Variants in USP9X observed in about 807,000 individuals in gnomAD.
The protein encoded by USP9X is ubiquitin specific peptidase 9 X-linked.
A neutral mutation model predicts 190.3 loss-of-function variants in USP9X; 7 were observed. The observed-to-expected ratio is 0.04, with a 90% CI of 0.02 to 0.07. The LOEUF (loss-of-function observed/expected upper bound fraction) is 0.07. Ranked by LOEUF, USP9X falls within the 10% of genes least tolerant of loss-of-function variation. The pLI, the probability that USP9X is intolerant of heterozygous loss-of-function variation, is 1.00. For synonymous variants in USP9X, 645 were observed against 659.5 expected (o/e 0.98, Z 0.34); for missense variants, 1,010 against 1,916.9 (o/e 0.53, Z 8.83).
chrX:41,223,604 A>T (rs750426895), intron 39 of USP9X, among the ~76,000 whole-genome samples: 1 of 110,608 alleles, frequency 9.0e-6, no homozygotes, highest in South Asian at 3.8e-4. Context: ...CGCCCGGCTA[A>T]TTTTGTATTT....
At chrX:41,168,631 T>C (rs1202076873) in intron 18 of USP9X, among the ~76,000 whole-genome samples, 1 of 112,286 alleles carries the variant, frequency 8.9e-6, no homozygotes, top group Non-Finnish European at 1.9e-5. Context: ...TAGCTGGGGC[T>C]ACAGGCACAG....
chrX:41,170,397 A>G, intron 19 of USP9X, 73 bp from the exon 20 acceptor site: 4 of 1,140,300 alleles, frequency 3.5e-6, no homozygotes, highest in Admixed American at 4.8e-5. Context: ...TTTGGTTGGT[A>G]TATCACTAAG....
chrX:41,100,205 T>G (rs1271284808), intron 1 of USP9X, among the ~76,000 whole-genome samples: 3 of 112,616 alleles, frequency 2.7e-5, no homozygotes, highest in African/African-American at 9.7e-5. Context: ...CTTTGTAAAC[T>G]TCTCACAGGT....
intron 1 of USP9X, among the ~76,000 whole-genome samples, chrX:41,113,807 C>T (rs775099600): frequency 3.8e-4 from 42 of 111,037 alleles, no homozygotes; most frequent in South Asian, 7.5e-4. Context: ...GTCATGAACG[C>T]GTAAAATACA....
intron 1 of USP9X, among the ~76,000 whole-genome samples, chrX:41,120,346 A>G (rs1265566997): frequency 1.8e-5 from 2 of 112,342 alleles, no homozygotes; most frequent in African/African-American, 6.5e-5. Flanking sequence ...TTACGGTGCT[A>G]CAAACAGTGC....
chrX:41,224,664 T>C, intron 39 of USP9X, 78 bp from the exon 40 acceptor site: 1 of 907,224 alleles, frequency 1.1e-6, no homozygotes, highest in Non-Finnish European at 1.5e-6. Context: ...TTATAGGCTA[T>C]TTTCTATCGT....
At chrX:41,145,872 G>A (rs2062459713) in intron 11 of USP9X, among the ~76,000 whole-genome samples, 1 of 111,984 alleles carries the variant, frequency 8.9e-6, no homozygotes, top group South Asian at 3.7e-4. Context: ...ATAAGTCTTA[G>A]GGACATTAAA....
At chrX:41,106,778 GTC>G (rs1396645819) in intron 1 of USP9X, among the ~76,000 whole-genome samples, 1 of 109,480 alleles carries the variant, frequency 9.1e-6, no homozygotes, top group African/African-American at 3.3e-5. Context: ...TGATCCACCA[GTC>G]TCGGCCTCCC....
intron 24 of USP9X, among the ~76,000 whole-genome samples, 188 bp downstream of exon 24, chrX:41,186,830 ATTTT>A (rs34817628): frequency 3.0e-5 from 3 of 101,138 alleles, no homozygotes; most frequent in Non-Finnish European, 4.0e-5. Flanking sequence ...AGATGGGGTG[ATTTT>A]TTTTTTTTTT....
At chrX:41,088,751 C>T (rs1333825364) in intron 1 of USP9X, among the ~76,000 whole-genome samples, 1 of 108,966 alleles carries the variant, frequency 9.2e-6, no homozygotes, top group Non-Finnish European at 1.9e-5. Flanking sequence ...TTTTCTGAGT[C>T]TTGAATTGTT....
At chrX:41,208,021 CAG>C (rs982271760) in intron 32 of USP9X, among the ~76,000 whole-genome samples, 4 of 109,649 alleles carry the variant, frequency 3.6e-5, no homozygotes, top group African/African-American at 1.3e-4. Flanking sequence ...AGAACACAAA[CAG>C]AGGCTTATAC....
intron 4 of USP9X, among the ~76,000 whole-genome samples, chrX:41,131,778 G>A (rs1483973545): frequency 9.0e-6 from 1 of 111,523 alleles, no homozygotes; most frequent in Non-Finnish European, 1.9e-5. Context: ...TTGCAAAGAG[G>A]TTGTCACTCA....
chrX:41,181,938 T>A (rs1462134435), intron 21 of USP9X, among the ~76,000 whole-genome samples: 1 of 111,676 alleles, frequency 9.0e-6, no homozygotes, highest in African/African-American at 3.3e-5. Context: ...CTGGCTTAAA[T>A]TTTTCTGGCT....
intron 1 of USP9X, among the ~76,000 whole-genome samples, chrX:41,107,707 A>AT (rs1217532492): frequency 3.6e-5 from 4 of 110,158 alleles, no homozygotes; most frequent in Non-Finnish European, 7.6e-5. Flanking sequence ...GGCTCTGTTC[A>AT]TTTTTTTTCT....
At chrX:41,092,879 ATTTTT>A (rs959992907) in intron 1 of USP9X, among the ~76,000 whole-genome samples, 13 of 105,826 alleles carry the variant, frequency 1.2e-4, no homozygotes, top group African/African-American at 3.8e-4. Context: ...AAGAGCAGTG[ATTTTT>A]TTTTTTAAGA....
At chrX:41,175,554 T>C (rs2062767109) in intron 21 of USP9X, among the ~76,000 whole-genome samples, 1 of 110,769 alleles carries the variant, frequency 9.0e-6, no homozygotes, top group African/African-American at 3.3e-5. Flanking sequence ...AGTTCCAGAT[T>C]AACATCCTGT....
intron 24 of USP9X, among the ~76,000 whole-genome samples, chrX:41,187,240 A>G (rs1270840148): frequency 8.9e-6 from 1 of 112,298 alleles, no homozygotes; most frequent in Non-Finnish European, 1.9e-5. Context: ...TCCCCAGGTA[A>G]CTACTGCTCT....
intron 26 of USP9X, among the ~76,000 whole-genome samples, chrX:41,192,382 T>C (rs780039446): frequency 2.7e-5 from 3 of 111,983 alleles, no homozygotes; most frequent in Admixed American, 9.5e-5. Flanking sequence ...GACTTTATTT[T>C]ATTGTAGTTA....
chrX:41,137,797 T>C lies in USP9X; in HGVS notation c.654+775T>C, dbSNP rs2078260529. On this transcript the variant is annotated intron_variant, in intron 6 of 44. Transcript: ENST00000378308. ...TGCCACTAGATGGCTTATTTTTGCTTGAGTAGATCAGGTTACTATCTAAAT... is the reference window on the plus strand; with the variant it reads ...TGCCACTAGATGGCTTATTTTTGCTCGAGTAGATCAGGTTACTATCTAAAT... 3.6e-5 allele frequency among the ~76,000 whole-genome samples: 4 copies of C among 111,396 alleles called. No homozygotes were observed. The Admixed American group carries it at 3.8e-4, about 11-fold the overall frequency.
Sources: gnomAD v4.1 joint callset for allele counts (sites outside exome capture counted in the v4.1 genomes callset) on GRCh38, gnomAD v4.1.1 for gene constraint, MANE v1.5 for transcripts, NCBI Gene and HGNC (gene_info 2026-07-23, HGNC 2026-07-21) for gene names.